SUPT3H: variants seen among roughly 807,000 people sequenced by gnomAD.
The protein encoded by SUPT3H is SPT3 homolog, SAGA and STAGA complex component.
A neutral mutation model predicts 44.3 loss-of-function variants in SUPT3H; 44 were observed. The ratio of observed to expected loss-of-function variants is 0.99; its 90% CI spans 0.78 to 1.28. The LOEUF is 1.28. Ranked by LOEUF, SUPT3H falls within the 50% of genes most tolerant of loss-of-function variation. The pLI is 0.00. For synonymous variants in SUPT3H, 124 were observed against 125.6 expected (o/e 0.99, Z 0.09); for missense variants, 380 against 387.1 (o/e 0.98, Z 0.15).
chr6:45,173,784 A>T (rs1811226922), intron 2 of SUPT3H, among the ~76,000 whole-genome samples: 1 of 152,244 alleles, frequency 6.6e-6, no homozygotes, highest in African/African-American at 2.4e-5. Context: ...ACACTTCTTT[A>T]AGTCATGCCA....
At chr6:45,109,661 T>C (rs1284972) in intron 2 of SUPT3H, among the ~76,000 whole-genome samples, 98,044 of 151,936 alleles carry the variant, frequency 0.65, 32,449 homozygotes, top group African/African-American at 0.8. Flanking sequence ...ATAACTTCTG[T>C]CATTTTTCCC....
intron 10 of SUPT3H, among the ~76,000 whole-genome samples, chr6:44,902,396 AAC>A (rs1337214972): frequency 6.6e-6 from 1 of 152,168 alleles, no homozygotes; most frequent in East Asian, 1.9e-4. Context: ...TCTCTGATAA[AAC>A]AGACTTTAAA....
intron 6 of SUPT3H, among the ~76,000 whole-genome samples, chr6:44,965,660 T>C (rs1776678309): frequency 6.6e-6 from 1 of 152,160 alleles, no homozygotes; most frequent in South Asian, 2.1e-4. Flanking sequence ...CACCTAATTT[T>C]TGTTTATTCC....
intron 2 of SUPT3H, among the ~76,000 whole-genome samples, chr6:45,348,983 C>G (rs542485022): frequency 6.6e-6 from 1 of 152,238 alleles, no homozygotes; most frequent in South Asian, 2.1e-4. Context: ...TGGCACACCA[C>G]ATGTACTTAG....
intron 10 of SUPT3H, among the ~76,000 whole-genome samples, chr6:44,878,407 G>A (rs1361993969): frequency 6.6e-6 from 1 of 151,956 alleles, no homozygotes; most frequent in African/African-American, 2.4e-5. Flanking sequence ...CATAAATCGT[G>A]AGATAGGCCT....
intron 11 of SUPT3H, among the ~76,000 whole-genome samples, chr6:44,812,103 C>T (rs1766573065): frequency 6.6e-6 from 1 of 152,044 alleles, no homozygotes. Context: ...TCTATGATGC[C>T]GTAACAAATT....
intron 2 of SUPT3H, among the ~76,000 whole-genome samples, chr6:45,340,038 G>A (rs538307789): frequency 6.6e-6 from 1 of 152,262 alleles, no homozygotes; most frequent in African/African-American, 2.4e-5. Context: ...GAAGAGATGG[G>A]ATTCCAACCC....
At chr6:44,905,004 T>C (rs1301569863) in intron 10 of SUPT3H, among the ~76,000 whole-genome samples, 2 of 152,134 alleles carry the variant, frequency 1.3e-5, no homozygotes, top group South Asian at 4.1e-4. Flanking sequence ...CCTTACACCT[T>C]ATACAAAAAT....
intron 5 of SUPT3H, among the ~76,000 whole-genome samples, chr6:45,011,953 C>T (rs1233194891): frequency 1.3e-5 from 2 of 151,734 alleles, no homozygotes; most frequent in Non-Finnish European, 1.5e-5. Context: ...ATAAGTTTCT[C>T]GGTGGAGAAG....
At chr6:44,861,411 G>C (rs1021267852) in intron 10 of SUPT3H, among the ~76,000 whole-genome samples, 1 of 151,114 alleles carries the variant, frequency 6.6e-6, no homozygotes, top group Admixed American at 6.6e-5. Context: ...TTTTGAGAAG[G>C]AGTCTCACTC....
intron 10 of SUPT3H, among the ~76,000 whole-genome samples, chr6:44,830,284 C>A (rs1300879410): frequency 3.9e-5 from 6 of 152,144 alleles, no homozygotes; most frequent in Admixed American, 1.3e-4. Context: ...AATTTATAGT[C>A]TGAGTGAAAA....
At chr6:45,326,762 C>T (rs999656579) in intron 2 of SUPT3H, among the ~76,000 whole-genome samples, 4 of 151,884 alleles carry the variant, frequency 2.6e-5, no homozygotes, top group Non-Finnish European at 5.9e-5. Context: ...ATGAATAGCA[C>T]TAGGAAGAAC....
At chr6:45,317,721 G>C (rs2150020587) in intron 2 of SUPT3H, among the ~76,000 whole-genome samples, 1 of 152,156 alleles carries the variant, frequency 6.6e-6, no homozygotes, top group Admixed American at 6.6e-5. Context: ...CATAAGACAT[G>C]AAATTGCAAA....
chr6:45,359,635 T>C (rs1238672664), intron 2 of SUPT3H, among the ~76,000 whole-genome samples: 1 of 152,196 alleles, frequency 6.6e-6, no homozygotes, highest in Non-Finnish European at 1.5e-5. Context: ...CTAATAAGTA[T>C]ATAGTAAGTA....
chr6:45,184,039 T>C (rs1341849067), intron 2 of SUPT3H, among the ~76,000 whole-genome samples: 2 of 152,162 alleles, frequency 1.3e-5, no homozygotes, highest in African/African-American at 2.4e-5. Flanking sequence ...TGTCAGAACA[T>C]ACAGGATGTA....
chr6:44,969,894 G>C (rs1777324123), intron 6 of SUPT3H, among the ~76,000 whole-genome samples: 1 of 152,116 alleles, frequency 6.6e-6, no homozygotes, highest in Non-Finnish European at 1.5e-5. Context: ...ATTATATGAA[G>C]TTTCCTAAAG....
Position 44,829,813 on chromosome 6 carries a change from A to G in SUPT3H, c.*3T>C. On this transcript the variant is annotated 3_prime_UTR_variant, in exon 11 of 11. Transcript: ENST00000371459. ...TTGTTGCAGGCACATCACAGTTGTCACATCAGCAGGCTAGAAAAGCCATCC... is the reference window on the plus strand; with the variant it reads ...TTGTTGCAGGCACATCACAGTTGTCGCATCAGCAGGCTAGAAAAGCCATCC... 6.2e-7 allele frequency: 1 copy of G among 1,613,068 alleles called. No individual in the cohort carries two copies. The highest frequency in any genetic ancestry group is 8.5e-7 in the Non-Finnish European group (1 of 1,179,182).
intron 2 of SUPT3H, among the ~76,000 whole-genome samples, chr6:45,294,760 A>AAAAAAAAC (rs1780872716): frequency 1.5e-5 from 2 of 135,474 alleles, no homozygotes; most frequent in African/African-American, 5.4e-5. Flanking sequence ...AAAAAAAAAA[A>AAAAAAAAC]AAACAACTTA....
chr6:45,249,822 A>G (rs931582682), intron 2 of SUPT3H, among the ~76,000 whole-genome samples: 2 of 152,088 alleles, frequency 1.3e-5, no homozygotes, highest in African/African-American at 4.8e-5. Context: ...GGTGGGGGCC[A>G]AGGGGAAAGG....
Sources: allele counts gnomAD v4.1 joint callset (sites outside exome capture counted in the v4.1 genomes callset), GRCh38; gene constraint gnomAD v4.1.1; transcripts MANE v1.5; gene names NCBI Gene and HGNC (gene_info 2026-07-23, HGNC 2026-07-21).